Variants in VPS35L observed in about 807,000 individuals in gnomAD.
VPS35L encodes the protein VPS35 endosomal protein sorting factor like.
Under a neutral mutation model 133.0 loss-of-function variants are expected in VPS35L, and 83 were observed. The observed-to-expected ratio is 0.62, with a 90% confidence interval of 0.52 to 0.75. The LOEUF (loss-of-function observed/expected upper bound fraction) is 0.75, where lower values mean the gene tolerates loss of function less well. VPS35L is among the 30% of genes least tolerant of loss of function. VPS35L has a pLI of 0.00. For synonymous variants in VPS35L, 423 were observed against 449.9 expected, an observed-to-expected ratio of 0.94 and a Z score of 0.76; for missense variants, 1,083 against 1,206.8, an observed-to-expected ratio of 0.90 and a Z score of 1.52.
Position 19,691,378 on chromosome 16 carries a change from G to C in VPS35L, c.2553G>C (p.Gly851=), listed in dbSNP as rs144152212. The C allele has an allele frequency of 8.7e-6, 14 of 1,613,700 alleles. No individual in the cohort carries two copies. The highest frequency in any genetic ancestry group is 1.3e-5 in the African/African-American group (1 of 74,904). ...TGGACTCCAACGACAGCCTCTACGG[G>C]GGAGACTCCAAGTTCCTGGCAGAAA... ...DKVDSNDSLY[G]GDSKFLAENN... Residue 851 remains glycine, a synonymous_variant, in exon 29 of 31, where the codon GGG becomes GGC. Coordinates refer to ENST00000417362, the MANE Select transcript of VPS35L (RefSeq NM_020314.7).
chr16:19,685,408 A>G (rs1240360953), intron 28 of VPS35L, among the ~76,000 whole-genome samples: 1 of 152,138 alleles, frequency 6.6e-6, no homozygotes, highest in Non-Finnish European at 1.5e-5. Flanking sequence ...CTTTGTGTGG[A>G]TGTACCAAAA....
intron 8 of VPS35L, among the ~76,000 whole-genome samples, chr16:19,599,267 G>T (rs226858): frequency 0.67 from 101,726 of 152,010 alleles, 35,377 homozygotes; most frequent in African/African-American, 0.86. Context: ...AGACCATTTA[G>T]AAGAGGACCT....
At chr16:19,617,714 A>T (rs991960272) in intron 14 of VPS35L, 6 of 152,130 alleles carry the variant, frequency 3.9e-5, no homozygotes, top group Admixed American at 1.3e-4. Flanking sequence ...AGACTGTGAT[A>T]GGCCGGGCAC....
At chr16:19,663,307 A>G (rs1440382769) in intron 26 of VPS35L, among the ~76,000 whole-genome samples, 1 of 152,172 alleles carries the variant, frequency 6.6e-6, no homozygotes, top group African/African-American at 2.4e-5. Flanking sequence ...CTCAATAATA[A>G]TAAATTTCAA....
chr16:19,604,729 T>TCATTCTTTC (rs1972490394), intron 9 of VPS35L, among the ~76,000 whole-genome samples: 1 of 152,234 alleles, frequency 6.6e-6, no homozygotes, highest in Admixed American at 6.5e-5. Flanking sequence ...GCATTTGTAC[T>TCATTCTTTC]CATTCTTTCC....
chr16:19,609,093 G>A, intron 11 of VPS35L, 72 bp downstream of exon 11: 1 of 1,311,632 alleles, frequency 7.6e-7, no homozygotes, highest in Non-Finnish European at 1.1e-6. Flanking sequence ...GATAGTAATG[G>A]CAATGTAATA....
intron 19 of VPS35L, among the ~76,000 whole-genome samples, chr16:19,637,086 T>A (rs1327841460): frequency 6.6e-6 from 1 of 152,250 alleles, no homozygotes; most frequent in Non-Finnish European, 1.5e-5. Flanking sequence ...TTGGCACAAA[T>A]TCATTTAATG....
chr16:19,567,970 CA>C (rs35555593), intron 2 of VPS35L, among the ~76,000 whole-genome samples: 25,006 of 112,892 alleles, frequency 0.22, 2,290 homozygotes, highest in African/African-American at 0.31. Context: ...ACCCTGTCTC[CA>C]AAAAAAAAAA....
chr16:19,645,976 T>G (rs942158191), intron 23 of VPS35L, among the ~76,000 whole-genome samples: 6 of 152,024 alleles, frequency 3.9e-5, no homozygotes, highest in Non-Finnish European at 8.8e-5. Flanking sequence ...CTGTTTTTTT[T>G]GGGGGGGTCG....
intron 2 of VPS35L, chr16:19,569,170 T>G (rs1035588106): frequency 7.7e-6 from 5 of 647,866 alleles, no homozygotes; most frequent in Non-Finnish European, 1.1e-5. Context: ...TGTAGCCATC[T>G]CAGTCCAGTG....
chr16:19,637,170 C>T (rs1466361173), intron 19 of VPS35L, among the ~76,000 whole-genome samples: 8 of 152,142 alleles, frequency 5.3e-5, no homozygotes, highest in African/African-American at 9.7e-5. Flanking sequence ...GACTGTAGGA[C>T]GTTTATAGAA....
chr16:19,651,954 A>C, intron 25 of VPS35L, 22 bp from the exon 26 acceptor site: 1 of 1,519,414 alleles, frequency 6.6e-7, no homozygotes, highest in Non-Finnish European at 9.1e-7. Flanking sequence ...TGCTAGCGTT[A>C]ATGTTTCTTC....
intron 9 of VPS35L, among the ~76,000 whole-genome samples, chr16:19,605,777 A>G (rs1405805776): frequency 6.6e-6 from 1 of 152,166 alleles, no homozygotes; most frequent in East Asian, 1.9e-4. Context: ...CTAGTTTAGT[A>G]TCTTTAATAG....
chr16:19,660,232 G>A (rs1974438007), intron 26 of VPS35L, among the ~76,000 whole-genome samples: 1 of 151,890 alleles, frequency 6.6e-6, no homozygotes, highest in African/African-American at 2.4e-5. Context: ...GGCTAACAAG[G>A]CACGAGAATT....
intron 26 of VPS35L, among the ~76,000 whole-genome samples, chr16:19,652,857 A>G (rs1974177486): frequency 6.6e-6 from 1 of 152,230 alleles, no homozygotes; most frequent in South Asian, 2.1e-4. Context: ...GTTTCTGCCC[A>G]AGACTGGTCT....
At chr16:19,646,755 CA>C (rs1299478080) in intron 23 of VPS35L, among the ~76,000 whole-genome samples, 2 of 152,068 alleles carry the variant, frequency 1.3e-5, no homozygotes, top group African/African-American at 2.4e-5. Flanking sequence ...TGAGGGGACC[CA>C]GTCTGGAGGG....
chr16:19,694,783 A>G (rs112745866), intron 29 of VPS35L, among the ~76,000 whole-genome samples: 2,919 of 152,298 alleles, frequency 0.019, 75 homozygotes, highest in African/African-American at 0.066. Context: ...AGACAGGCAG[A>G]TCACTTGAGG....
chr16:19,678,169 C>G (rs1005922507), intron 27 of VPS35L, among the ~76,000 whole-genome samples: 3 of 152,174 alleles, frequency 2.0e-5, no homozygotes, highest in African/African-American at 7.2e-5. Flanking sequence ...TACTTCTACA[C>G]CAACCTAATA....
intron 26 of VPS35L, among the ~76,000 whole-genome samples, chr16:19,666,908 CTTTCTTTCTTTCTTTCTTT>C (rs1974692240): frequency 2.4e-5 from 2 of 82,850 alleles, no homozygotes; most frequent in Admixed American, 1.2e-4. Context: ...TTCTTTCTTT[CTTTCTTTCTTTCTTTCTTT>C]CTTTCTTCCT....
Sources: allele counts gnomAD v4.1 joint callset (sites outside exome capture counted in the v4.1 genomes callset), GRCh38; gene constraint gnomAD v4.1.1; transcripts MANE v1.5; gene names NCBI Gene and HGNC (gene_info 2026-07-23, HGNC 2026-07-21).